Variants in PPP2R2B observed in about 807,000 individuals in gnomAD.
PPP2R2B encodes serine/threonine-protein phosphatase 2A 55 kDa regulatory subunit B beta isoform.
In PPP2R2B, 5 loss-of-function variants were observed where a neutral mutation model predicts 46.0. The observed-to-expected ratio is 0.11, with a 90% CI of 0.06 to 0.23. The LOEUF (loss-of-function observed/expected upper bound fraction) is 0.23, where lower values mean the gene tolerates loss of function less well. Ranked by LOEUF, PPP2R2B falls within the 10% of genes least tolerant of loss-of-function variation. The pLI, the probability that PPP2R2B is intolerant of heterozygous loss-of-function variation, is 1.00. For synonymous variants in PPP2R2B, 215 were observed against 206.7 expected (o/e 1.04, Z -0.34); for missense variants, 367 against 575.0 (o/e 0.64, Z 3.70).
Position 146,676,208 on chromosome 5 carries a change from T to C in PPP2R2B, c.447+14920A>G, listed in dbSNP as rs749599536. 1.2e-3 allele frequency among the ~76,000 whole-genome samples: 179 copies of C among 152,220 alleles called. 1 individual carries two copies. Among genetic ancestry groups the C allele is most frequent in the Admixed American group, 2.6e-3 (40 of 15,284 alleles). The stretch of plus-strand genomic sequence containing the variant: ...GGCGGCTTTTCCATGTTGGTGAACA[T>C]CCTGTCTTCAGTGCAGAACATTTAG... On this transcript the variant is annotated intron_variant, in intron 5 of 9. Coordinates refer to ENST00000394411, the MANE Select transcript of PPP2R2B (RefSeq NM_181675.4).
At chr5:146,796,608 G>A (rs1043590165) in intron 2 of PPP2R2B, among the ~76,000 whole-genome samples, 14 of 152,138 alleles carry the variant, frequency 9.2e-5, no homozygotes, top group African/African-American at 3.1e-4. Flanking sequence ...ACCTAGCAGA[G>A]GACCTGGCTC....
chr5:147,069,791 T>TTTTTTGTTTG (rs1554090568), intron 2 of PPP2R2B, among the ~76,000 whole-genome samples: 5 of 121,308 alleles, frequency 4.1e-5, no homozygotes, highest in African/African-American at 1.7e-4. Flanking sequence ...TACTGTTTTT[T>TTTTTTGTTTG]TTTTTTTTTT....
At chr5:146,736,370 A>G (rs1486184741) in intron 2 of PPP2R2B, among the ~76,000 whole-genome samples, 3 of 152,170 alleles carry the variant, frequency 2.0e-5, no homozygotes, top group Non-Finnish European at 4.4e-5. Context: ...GCCCTGCCAC[A>G]TATTTTACAT....
intron 2 of PPP2R2B, among the ~76,000 whole-genome samples, chr5:146,729,370 A>G (rs1477608621): frequency 6.6e-6 from 1 of 152,236 alleles, no homozygotes; most frequent in Non-Finnish European, 1.5e-5. Context: ...AGGGAAACAG[A>G]GCATAAAAGT....
intron 2 of PPP2R2B, among the ~76,000 whole-genome samples, chr5:146,834,448 T>C (rs1032944456): frequency 6.6e-6 from 1 of 152,214 alleles, no homozygotes; most frequent in Non-Finnish European, 1.5e-5. Context: ...ATCAAATGAC[T>C]TTTGTTTTGG....
At chr5:146,798,856 T>C (rs1756694576) in intron 2 of PPP2R2B, among the ~76,000 whole-genome samples, 3 of 152,310 alleles carry the variant, frequency 2.0e-5, no homozygotes, top group African/African-American at 7.2e-5. Context: ...ATCAGGTCCA[T>C]GTCTGTCTGA....
chr5:146,632,067 C>T (rs1055576054), intron 7 of PPP2R2B, among the ~76,000 whole-genome samples: 1 of 127,582 alleles, frequency 7.8e-6, no homozygotes, highest in African/African-American at 2.8e-5. Context: ...TTGTGCCCCC[C>T]CCCCCGCCCA....
chr5:146,815,371 T>G (rs1415058029), intron 2 of PPP2R2B, among the ~76,000 whole-genome samples: 5 of 152,252 alleles, frequency 3.3e-5, no homozygotes, highest in Non-Finnish European at 7.3e-5. Context: ...GTATGCTTAT[T>G]GAGAGCAGAG....
chr5:146,768,393 A>G (rs1487174481), intron 2 of PPP2R2B, among the ~76,000 whole-genome samples: 2 of 152,048 alleles, frequency 1.3e-5, no homozygotes, highest in East Asian at 1.9e-4. Flanking sequence ...GTTGTAGCCA[A>G]TGCTTCCCAA....
At chr5:146,668,825 C>A (rs2151118120) in intron 5 of PPP2R2B, among the ~76,000 whole-genome samples, 1 of 152,254 alleles carries the variant, frequency 6.6e-6, no homozygotes, top group Non-Finnish European at 1.5e-5. Context: ...GACCTCTTTG[C>A]CCCCAAATGT....
At position 146,673,476 on chromosome 5, in the gene PPP2R2B, TTAGAAGATTTTTTTTTTATTGCTACTA is replaced by T. The variant is rs1369598591; in HGVS notation, c.447+17625_447+17651del. On this transcript the variant is annotated intron_variant, in intron 5 of 9. Coordinates refer to ENST00000394411, the MANE Select transcript of PPP2R2B (RefSeq NM_181675.4). ...TTTTATCTAAGGAAAAGTAACCTAT[TTAGAAGATTTTTTTTTTATTGCTACTA>T]GAAAATAGACATAAAGTCTAATATT... Among the ~76,000 whole-genome samples, 42 of 60,748 alleles carry T rather than the reference TTAGAAGATTTTTTTTTTATTGCTACTA, an allele frequency of 6.9e-4. 1 individual carries two copies. Among genetic ancestry groups the T allele is most frequent in the African/African-American group, 1.6e-3 (38 of 23,128 alleles). The allele number at this position is 60,748 out of a possible 152,430, so 39.9% of individuals were successfully genotyped here.
intron 2 of PPP2R2B, among the ~76,000 whole-genome samples, chr5:146,830,176 G>T (rs1265261685): frequency 6.6e-6 from 1 of 152,076 alleles, no homozygotes; most frequent in African/African-American, 2.4e-5. Context: ...AGACATCTGG[G>T]TTTGACTTCT....
chr5:146,757,578 T>C (rs1054506733), intron 2 of PPP2R2B, among the ~76,000 whole-genome samples: 1 of 152,166 alleles, frequency 6.6e-6, no homozygotes, highest in African/African-American at 2.4e-5. Context: ...CTGGAAAACA[T>C]AGATGGCCTC....
intron 2 of PPP2R2B, among the ~76,000 whole-genome samples, chr5:146,829,094 T>C (rs985558785): frequency 6.6e-6 from 1 of 152,202 alleles, no homozygotes; most frequent in African/African-American, 2.4e-5. Context: ...AGAGTGATTA[T>C]GGCTTTAGTT....
chr5:146,920,596 G>A (rs1340790969), intron 1 of PPP2R2B, among the ~76,000 whole-genome samples: 1 of 152,170 alleles, frequency 6.6e-6, no homozygotes, highest in Non-Finnish European at 1.5e-5. Context: ...ATAACTTCAT[G>A]ACTGCCAGTC....
chr5:146,854,888 T>C (rs375653647), intron 2 of PPP2R2B, among the ~76,000 whole-genome samples: 54 of 152,340 alleles, frequency 3.5e-4, no homozygotes, highest in African/African-American at 1.3e-3. Context: ...AAATTTGGAC[T>C]CTGAACTGTC....
At chr5:146,640,850 G>A (rs1238222187) in intron 6 of PPP2R2B, among the ~76,000 whole-genome samples, 1 of 152,146 alleles carries the variant, frequency 6.6e-6, no homozygotes, top group Non-Finnish European at 1.5e-5. Context: ...CTGTGCCCAC[G>A]AGATCTGCCC....
chr5:147,059,892 C>A (rs1757207353), upstream of PPP2R2B, among the ~76,000 whole-genome samples: 1 of 152,134 alleles, frequency 6.6e-6, no homozygotes, highest in African/African-American at 2.4e-5. Context: ...TCACTGGTTC[C>A]AGTCCTGTTG....
intron 2 of PPP2R2B, among the ~76,000 whole-genome samples, chr5:147,068,600 A>G (rs921168392): frequency 2.6e-5 from 4 of 152,258 alleles, no homozygotes; most frequent in African/African-American, 4.8e-5. Flanking sequence ...TTTAAAAGAC[A>G]TCTTTGGCAT....
Sources: allele counts gnomAD v4.1 joint callset (sites outside exome capture counted in the v4.1 genomes callset), GRCh38; gene constraint gnomAD v4.1.1; transcripts MANE v1.5; gene names NCBI Gene and HGNC (gene_info 2026-07-23, HGNC 2026-07-21).